The following RBFOX2 variants were observed in gnomAD, a reference collection of about 807,000 sequenced individuals.
The protein encoded by RBFOX2 is RNA binding protein fox-1 homolog 2.
In RBFOX2, 10 loss-of-function variants were observed where a neutral mutation model predicts 49.1. That is an observed-to-expected ratio of 0.20 (90% confidence interval 0.13 to 0.35). The LOEUF is 0.35. Ranked by LOEUF, RBFOX2 falls within the 10% of genes least tolerant of loss-of-function variation. RBFOX2 has a pLI of 1.00. For synonymous variants in RBFOX2, 183 were observed against 187.4 expected (o/e 0.98, Z 0.19); for missense variants, 323 against 486.9 (o/e 0.66, Z 3.17).
chr22:35,766,052 A>G (rs559429549), intron 5 of RBFOX2, among the ~76,000 whole-genome samples: 2 of 152,344 alleles, frequency 1.3e-5, no homozygotes, highest in Non-Finnish European at 2.9e-5. Context: ...TGGTCTATCA[A>G]TTTAAGAACA....
chr22:35,873,769 C>T (rs554331601), intron 1 of RBFOX2, among the ~76,000 whole-genome samples: 37 of 152,288 alleles, frequency 2.4e-4, no homozygotes, highest in African/African-American at 8.9e-4. Flanking sequence ...TTCTGCCTCC[C>T]TGGTTGAAAT....
intron 1 of RBFOX2, among the ~76,000 whole-genome samples, chr22:35,881,397 C>T (rs552268282): frequency 6.6e-6 from 1 of 151,942 alleles, no homozygotes; most frequent in African/African-American, 2.4e-5. Context: ...GGCAACACAG[C>T]CACAGACTTG....
intron 1 of RBFOX2, among the ~76,000 whole-genome samples, chr22:35,937,547 C>A (rs2053230511): frequency 6.6e-6 from 1 of 152,110 alleles, no homozygotes; most frequent in Non-Finnish European, 1.5e-5. Flanking sequence ...TATTGATTAT[C>A]AACCATCCTA....
intron 1 of RBFOX2, among the ~76,000 whole-genome samples, chr22:35,846,565 G>A (rs1051878922): frequency 1.3e-5 from 2 of 151,692 alleles, no homozygotes; most frequent in African/African-American, 4.9e-5. Context: ...TGACCAACAT[G>A]GTGAAACCCT....
intron 9 of RBFOX2, among the ~76,000 whole-genome samples, chr22:35,754,004 T>TACTCCTG (rs749667022): frequency 2.7e-5 from 4 of 150,820 alleles, no homozygotes; most frequent in Non-Finnish European, 5.9e-5. Flanking sequence ...GCTGGTCTCG[T>TACTCCTG]ACTCCTGACT....
chr22:35,820,787 G>C (rs1226855279), intron 1 of RBFOX2, among the ~76,000 whole-genome samples: 1 of 152,174 alleles, frequency 6.6e-6, no homozygotes, highest in African/African-American at 2.4e-5. Context: ...TGGTGGTACA[G>C]GAAGTGACCA....
At chr22:35,741,962 T>G (rs1327463881) in exon 12 of RBFOX2, 1 of 152,380 alleles carries the variant, frequency 6.6e-6, no homozygotes, top group Non-Finnish European at 1.5e-5. Context: ...GGCCCCTTTG[T>G]GATCATGACC....
At chr22:35,845,442 G>A (rs1205432221), upstream of RBFOX2, among the ~76,000 whole-genome samples, 1 of 149,130 alleles carries the variant, frequency 6.7e-6, no homozygotes, top group Non-Finnish European at 1.5e-5. Context: ...AAATGCTTTA[G>A]ATCTTATAGG....
intron 2 of RBFOX2, among the ~76,000 whole-genome samples, chr22:35,787,779 T>C (rs1337741402): frequency 6.6e-6 from 1 of 152,196 alleles, no homozygotes; most frequent in African/African-American, 2.4e-5. Context: ...TTACTGACCA[T>C]ATAAACAACT....
chr22:35,964,755 T>G (rs1321143250), upstream of RBFOX2, among the ~76,000 whole-genome samples: 1 of 152,174 alleles, frequency 6.6e-6, no homozygotes, highest in Non-Finnish European at 1.5e-5. Context: ...GAGGCCAAGG[T>G]CACGTGTCTG....
chr22:35,933,628 T>C (rs1486459056), intron 1 of RBFOX2, among the ~76,000 whole-genome samples: 1 of 152,110 alleles, frequency 6.6e-6, no homozygotes, highest in Non-Finnish European at 1.5e-5. Flanking sequence ...AAGTAACCAC[T>C]AAGGAGATAC....
Position 36,025,440 on chromosome 22 carries a change from T to C in RBFOX2, c.186+2800A>G, listed in dbSNP as rs557454582. ...TTTAGCCCTTATCACCACACAATTATAGTTGTTGATTTATTAGATGTCTCT... is the reference window on the plus strand; with the variant it reads ...TTTAGCCCTTATCACCACACAATTACAGTTGTTGATTTATTAGATGTCTCT... On this transcript the variant is annotated intron_variant, in intron 1 of 13. Coordinates refer to the RBFOX2 transcript ENST00000438146. 1.5e-3 allele frequency among the ~76,000 whole-genome samples: 229 copies of C among 152,296 alleles called. 2 individuals are homozygous for C. Among genetic ancestry groups the C allele is most frequent in the Non-Finnish European group, 2.3e-3 (154 of 68,006 alleles).
intron 5 of RBFOX2, among the ~76,000 whole-genome samples, chr22:35,766,441 A>T (rs895802023): frequency 3.3e-5 from 5 of 152,196 alleles, no homozygotes; most frequent in Non-Finnish European, 7.3e-5. Flanking sequence ...GTATGGTAAT[A>T]AATTTTTGTT....
chr22:35,896,563 T>C (rs2047869369), intron 1 of RBFOX2, among the ~76,000 whole-genome samples: 3 of 152,220 alleles, frequency 2.0e-5, no homozygotes, highest in Admixed American at 6.5e-5. Flanking sequence ...ATTCCCACTG[T>C]GCGTGCTCTG....
exon 12 of RBFOX2, chr22:35,743,856 C>A (rs1020644554): frequency 2.3e-5 from 5 of 220,678 alleles, no homozygotes; most frequent in Non-Finnish European, 4.4e-5. Context: ...TAATGTCTCT[C>A]CTTCCTCCTT....
At chr22:35,862,414 C>T (rs1255447419) in intron 1 of RBFOX2, among the ~76,000 whole-genome samples, 1 of 151,640 alleles carries the variant, frequency 6.6e-6, no homozygotes, top group African/African-American at 2.4e-5. Flanking sequence ...GGGGGAAAGG[C>T]ATCCGTCTTC....
intron 1 of RBFOX2, among the ~76,000 whole-genome samples, chr22:35,959,123 T>TG (rs1452444880): frequency 3.3e-5 from 5 of 152,060 alleles, no homozygotes; most frequent in African/African-American, 1.2e-4. Context: ...GATTTATCAA[T>TG]GAAAGGTTGA....
intron 1 of RBFOX2, among the ~76,000 whole-genome samples, chr22:35,832,671 A>G (rs1360219889): frequency 6.6e-6 from 1 of 151,926 alleles, no homozygotes; most frequent in East Asian, 1.9e-4. Context: ...TGTCTCTACT[A>G]AAATTACAAA....
intron 1 of RBFOX2, among the ~76,000 whole-genome samples, chr22:35,833,307 T>C (rs1478148482): frequency 6.6e-6 from 1 of 152,196 alleles, no homozygotes; most frequent in East Asian, 1.9e-4. Flanking sequence ...GGTTTTTATG[T>C]AGAAGACATG....
Sources: allele counts gnomAD v4.1 joint callset (sites outside exome capture counted in the v4.1 genomes callset), GRCh38; gene constraint gnomAD v4.1.1; transcripts MANE v1.5; gene names NCBI Gene and HGNC (gene_info 2026-07-23, HGNC 2026-07-21).